EPM2A: variants seen among roughly 807,000 people sequenced by gnomAD.
The protein encoded by EPM2A is laforin.
In EPM2A, 21 loss-of-function variants were observed where a neutral mutation model predicts 26.5. The observed-to-expected ratio is 0.79, with a 90% confidence interval of 0.56 to 1.14. The LOEUF (loss-of-function observed/expected upper bound fraction) is 1.14. EPM2A is among the 50% of genes most tolerant of loss of function. The pLI is 0.00. For synonymous variants in EPM2A, 217 were observed against 177.6 expected, an observed-to-expected ratio of 1.22 and a Z score of -1.76; for missense variants, 458 against 440.8, an observed-to-expected ratio of 1.04 and a Z score of -0.35.
chr6:145,615,192 T>C (rs1775480032), intron 2 of EPM2A, among the ~76,000 whole-genome samples: 1 of 152,158 alleles, frequency 6.6e-6, no homozygotes, highest in Admixed American at 6.5e-5. Flanking sequence ...AGGAACCCAG[T>C]GGGAGGTAAC....
intron 2 of EPM2A, among the ~76,000 whole-genome samples, chr6:145,674,021 G>A (rs941345480): frequency 6.6e-6 from 1 of 152,154 alleles, no homozygotes; most frequent in African/African-American, 2.4e-5. Flanking sequence ...GTCTAACAGG[G>A]AGACACCTAC....
intron 2 of EPM2A, among the ~76,000 whole-genome samples, chr6:145,602,459 C>T (rs547081464): frequency 6.6e-6 from 1 of 152,252 alleles, no homozygotes; most frequent in East Asian, 1.9e-4. Flanking sequence ...CCTATTCAAT[C>T]CTTGTTCTCC....
intron 2 of EPM2A, among the ~76,000 whole-genome samples, chr6:145,518,567 G>A (rs1780160090): frequency 7.6e-6 from 1 of 131,296 alleles, no homozygotes; most frequent in African/African-American, 2.9e-5. Context: ...TTTACCCAGG[G>A]ATCAGTTCCA....
At chr6:145,465,858 G>C (rs1000215300) in intron 4 of EPM2A, among the ~76,000 whole-genome samples, 6 of 151,966 alleles carry the variant, frequency 3.9e-5, no homozygotes, top group Non-Finnish European at 8.8e-5. Flanking sequence ...TCTGATCTTT[G>C]ACAAACCTGA....
chr6:145,566,676 A>G (rs1780888229), intron 2 of EPM2A, among the ~76,000 whole-genome samples: 1 of 152,254 alleles, frequency 6.6e-6, no homozygotes, highest in South Asian at 2.1e-4. Context: ...AGCAAAGAAC[A>G]TTCTGAAAGG....
intron 4 of EPM2A, among the ~76,000 whole-genome samples, chr6:145,411,906 G>T (rs1161889181): frequency 1.3e-5 from 2 of 152,114 alleles, no homozygotes; most frequent in African/African-American, 2.4e-5. Flanking sequence ...ACCTTTGCAG[G>T]TACAGACTTG....
At chr6:145,534,983 T>C (rs140950909) in intron 2 of EPM2A, among the ~76,000 whole-genome samples, 1 of 152,344 alleles carries the variant, frequency 6.6e-6, no homozygotes, top group African/African-American at 2.4e-5. Flanking sequence ...GCACATGATA[T>C]TGTGTCATTA....
chr6:145,468,360 T>TA (rs1297622709), intron 4 of EPM2A, among the ~76,000 whole-genome samples: 2 of 152,116 alleles, frequency 1.3e-5, no homozygotes, highest in African/African-American at 4.8e-5. Flanking sequence ...AAAGCTAAAA[T>TA]ACAGTGTGTT....
chr6:145,627,834 G>T, intron 3 of EPM2A, 141 bp from the exon 4 acceptor site: 1 of 1,246,804 alleles, frequency 8.0e-7, no homozygotes, highest in Non-Finnish European at 1.1e-6. Flanking sequence ...TTTCTGCATT[G>T]TGAAGGAAAA....
At chr6:145,541,925 T>A (rs1026310827) in intron 2 of EPM2A, among the ~76,000 whole-genome samples, 13 of 152,078 alleles carry the variant, frequency 8.5e-5, no homozygotes, top group African/African-American at 2.7e-4. Flanking sequence ...ATAATTTTTC[T>A]TACCTTTTTT....
At chr6:145,500,526 C>A (rs1020404914), downstream of EPM2A, among the ~76,000 whole-genome samples, 1 of 152,128 alleles carries the variant, frequency 6.6e-6, no homozygotes, top group Non-Finnish European at 1.5e-5. Context: ...CCTGACAATC[C>A]CCCTCCTGAT....
intron 2 of EPM2A, among the ~76,000 whole-genome samples, chr6:145,569,856 T>TAC (rs929208595): frequency 1.3e-4 from 19 of 151,534 alleles, no homozygotes; most frequent in Admixed American, 2.0e-4. Context: ...GGAATATACA[T>TAC]ATATATATAT....
chr6:145,519,387 A>T (rs1421097798), intron 2 of EPM2A, among the ~76,000 whole-genome samples: 7 of 152,132 alleles, frequency 4.6e-5, no homozygotes, highest in Non-Finnish European at 1.0e-4. Context: ...CCTGGAGATG[A>T]TTAAATGCCC....
chr6:145,465,527 T>C (rs927361996), intron 4 of EPM2A, among the ~76,000 whole-genome samples: 2 of 84,596 alleles, frequency 2.4e-5, no homozygotes, highest in African/African-American at 1.2e-4. Flanking sequence ...CTGCGTTCCT[T>C]TGGAGAGGAG....
At chr6:145,672,527 G>C (rs78380057) in intron 2 of EPM2A, among the ~76,000 whole-genome samples, 2,256 of 152,270 alleles carry the variant, frequency 0.015, 56 homozygotes, top group African/African-American at 0.049. Flanking sequence ...TTTTAGATAC[G>C]AGAAAAAGAA....
At chr6:145,424,325 AAACT>A (rs1204880722) in intron 4 of EPM2A, among the ~76,000 whole-genome samples, 7 of 152,252 alleles carry the variant, frequency 4.6e-5, no homozygotes, top group Admixed American at 2.0e-4. Context: ...AGCTTGTTTT[AAACT>A]GAAGGAGATT....
intron 4 of EPM2A, among the ~76,000 whole-genome samples, chr6:145,474,661 CTA>C (rs1476290759): frequency 6.6e-6 from 1 of 152,004 alleles, no homozygotes; most frequent in East Asian, 1.9e-4. Context: ...GCAAAAGAAA[CTA>C]TTATCAGATT....
chr6:145,671,073 C>A (rs1028000499), intron 2 of EPM2A: 50 of 985,000 alleles, frequency 5.1e-5, no homozygotes, highest in Non-Finnish European at 5.8e-5. Context: ...AATGTCTTGA[C>A]TGTGAACTAT....
chr6:145,578,376 A>G (rs544462077), intron 2 of EPM2A, among the ~76,000 whole-genome samples: 5 of 152,322 alleles, frequency 3.3e-5, no homozygotes, highest in African/African-American at 1.2e-4. Flanking sequence ...CGGATACCAC[A>G]GAAGTTAGAA....
Sources: gnomAD v4.1 joint callset for allele counts (sites outside exome capture counted in the v4.1 genomes callset) on GRCh38, gnomAD v4.1.1 for gene constraint, MANE v1.5 for transcripts, NCBI Gene and HGNC (gene_info 2026-07-23, HGNC 2026-07-21) for gene names.